The following CAB39 variants were observed in gnomAD, a reference collection of about 807,000 sequenced individuals.
The protein encoded by CAB39 is calcium binding protein 39.
A neutral mutation model predicts 40.0 loss-of-function variants in CAB39; 8 were observed. The observed-to-expected ratio is 0.20, with a 90% CI of 0.12 to 0.36. CAB39 has a LOEUF of 0.36. CAB39 is among the 10% of genes least tolerant of loss of function. CAB39 has a pLI of 1.00. For synonymous variants in CAB39, 156 were observed against 141.6 expected, an observed-to-expected ratio of 1.10 and a Z score of -0.72; for missense variants, 270 against 401.1, an observed-to-expected ratio of 0.67 and a Z score of 2.79.
chr2:230,764,075 T>G (rs1695341107), intron 2 of CAB39, among the ~76,000 whole-genome samples: 1 of 151,892 alleles, frequency 6.6e-6, no homozygotes, highest in Non-Finnish European at 1.5e-5. Context: ...GGAGCCAAGA[T>G]CGTGCCTCTG....
chr2:230,797,140 C>T (rs572842728), intron 4 of CAB39, among the ~76,000 whole-genome samples: 1 of 152,016 alleles, frequency 6.6e-6, no homozygotes, highest in East Asian at 1.9e-4. Flanking sequence ...TTCCAATTGT[C>T]CAGGTATGAA....
intron 2 of CAB39, among the ~76,000 whole-genome samples, chr2:230,762,928 A>G (rs1200990715): frequency 2.0e-5 from 3 of 152,246 alleles, no homozygotes; most frequent in African/African-American, 7.2e-5. Flanking sequence ...ATGTGATGAT[A>G]GAGCACATTT....
chr2:230,725,241 C>T, intron 1 of CAB39: 1 of 1,589,760 alleles, frequency 6.3e-7, no homozygotes, highest in Non-Finnish European at 8.6e-7. Context: ...AGGTCTTCAT[C>T]TTTCTTTAGC....
At chr2:230,789,374 G>A (rs1241778552) in intron 2 of CAB39, among the ~76,000 whole-genome samples, 2 of 152,130 alleles carry the variant, frequency 1.3e-5, no homozygotes, top group Non-Finnish European at 2.9e-5. Flanking sequence ...TTCCACAGCT[G>A]TTTCTGTTGA....
intron 1 of CAB39, among the ~76,000 whole-genome samples, chr2:230,721,154 A>G (rs996321619): frequency 6.6e-6 from 1 of 152,202 alleles, no homozygotes; most frequent in Admixed American, 6.5e-5. Context: ...TTTTGCAGCC[A>G]GCATGGTGGC....
intron 1 of CAB39, among the ~76,000 whole-genome samples, chr2:230,739,746 G>A (rs147342494): frequency 7.2e-5 from 11 of 152,120 alleles, no homozygotes; most frequent in Admixed American, 5.2e-4. Flanking sequence ...CGCCCACCTC[G>A]GCCTCCCAAA....
intron 3 of CAB39, 32 bp downstream of exon 3, chr2:230,791,068 A>G (rs767041016): frequency 2.7e-6 from 4 of 1,465,660 alleles, no homozygotes; most frequent in South Asian, 2.5e-5. Context: ...TTTAAAAAAC[A>G]GTACCCTGTG....
At chr2:230,769,097 G>C (rs1256163938) in intron 2 of CAB39, among the ~76,000 whole-genome samples, 1 of 152,152 alleles carries the variant, frequency 6.6e-6, no homozygotes, top group Non-Finnish European at 1.5e-5. Context: ...AAAGAAAGCT[G>C]GAGGGGCTGT....
At chr2:230,792,646 T>C (rs1695911454) in intron 3 of CAB39, among the ~76,000 whole-genome samples, 1 of 152,248 alleles carries the variant, frequency 6.6e-6, no homozygotes. Flanking sequence ...TATCATGTGA[T>C]ACTTAGTACC....
intron 1 of CAB39, among the ~76,000 whole-genome samples, chr2:230,716,875 G>A (rs955945740): frequency 2.6e-5 from 4 of 152,298 alleles, no homozygotes; most frequent in African/African-American, 9.6e-5. Flanking sequence ...TGGTGTGTGT[G>A]CCTGTTGTCC....
chr2:230,740,114 T>C (rs1213277389), intron 1 of CAB39, among the ~76,000 whole-genome samples: 1 of 152,224 alleles, frequency 6.6e-6, no homozygotes, highest in Non-Finnish European at 1.5e-5. Context: ...GTGTGCATCA[T>C]GGGTCATGAG....
chr2:230,761,503 A>G lies in CAB39; in HGVS notation c.114+1388A>G, dbSNP rs1695290367. Among the ~76,000 whole-genome samples, 3 of 152,236 alleles carry G rather than the reference A, an allele frequency of 2.0e-5. No homozygotes were observed. The South Asian group carries it at 6.2e-4, about 32-fold the overall frequency. On this transcript the variant is annotated intron_variant, in intron 2 of 8. Coordinates refer to ENST00000258418, the MANE Select transcript of CAB39 (RefSeq NM_016289.4). Reference sequence around the variant, plus strand: ...TTGTTGTATCACTTGTATCTGTTGTAACCTCTTAGAATGTCATAATCATTA... The same window carrying G: ...TTGTTGTATCACTTGTATCTGTTGTGACCTCTTAGAATGTCATAATCATTA...
chr2:230,719,218 C>G (rs1030156171), intron 1 of CAB39, among the ~76,000 whole-genome samples: 1 of 152,122 alleles, frequency 6.6e-6, no homozygotes, highest in African/African-American at 2.4e-5. Context: ...TTGGGCAAAC[C>G]TCTTAGGTAG....
At chr2:230,800,501 CCA>C (rs1017946877) in intron 5 of CAB39, among the ~76,000 whole-genome samples, 6 of 152,196 alleles carry the variant, frequency 3.9e-5, no homozygotes, top group Non-Finnish European at 8.8e-5. Context: ...TTAGGTGTCA[CCA>C]CAGTTGGTGG....
At chr2:230,759,697 C>G (rs1326919620) in intron 1 of CAB39, among the ~76,000 whole-genome samples, 1 of 152,164 alleles carries the variant, frequency 6.6e-6, no homozygotes, top group Non-Finnish European at 1.5e-5. Flanking sequence ...CATGTTCGTC[C>G]CCATTTGCGT....
At chr2:230,790,353 G>T (rs936979551) in intron 2 of CAB39, among the ~76,000 whole-genome samples, 5 of 152,138 alleles carry the variant, frequency 3.3e-5, no homozygotes, top group Non-Finnish European at 7.3e-5. Context: ...GCTCTTTAGT[G>T]ACTTTATATC....
chr2:230,722,230 TCAG>T (rs1174817360), intron 1 of CAB39, among the ~76,000 whole-genome samples: 1 of 152,224 alleles, frequency 6.6e-6, no homozygotes, highest in Non-Finnish European at 1.5e-5. Flanking sequence ...ACTACTAAAA[TCAG>T]CATGCAATTT....
intron 2 of CAB39, among the ~76,000 whole-genome samples, chr2:230,766,458 G>A (rs1235576791): frequency 6.6e-6 from 1 of 152,130 alleles, no homozygotes; most frequent in African/African-American, 2.4e-5. Flanking sequence ...TCATTACCAT[G>A]GGGAGAGCAC....
At chr2:230,766,643 C>G (rs1318027872) in intron 2 of CAB39, among the ~76,000 whole-genome samples, 1 of 152,234 alleles carries the variant, frequency 6.6e-6, no homozygotes, top group African/African-American at 2.4e-5. Context: ...TCAATCAGTC[C>G]TCAGCCTGCC....
Sources: allele counts gnomAD v4.1 joint callset (sites outside exome capture counted in the v4.1 genomes callset), GRCh38; gene constraint gnomAD v4.1.1; transcripts MANE v1.5; gene names NCBI Gene and HGNC (gene_info 2026-07-23, HGNC 2026-07-21).